The following TAFA2 variants were observed in gnomAD, a reference collection of about 807,000 sequenced individuals.
The protein encoded by TAFA2 is chemokine-like protein TAFA-2.
In TAFA2, 7 loss-of-function variants were observed where a neutral mutation model predicts 18.8. The ratio of observed to expected loss-of-function variants is 0.37; its 90% CI spans 0.21 to 0.70. TAFA2 has a LOEUF of 0.70. Ranked by LOEUF, TAFA2 falls within the 30% of genes least tolerant of loss-of-function variation. The pLI is 0.53. For synonymous variants in TAFA2, 60 were observed against 54.2 expected (o/e 1.11, Z -0.47); for missense variants, 122 against 158.1 (o/e 0.77, Z 1.23).
At chr12:61,805,751 A>C (rs1871585514) in intron 2 of TAFA2, among the ~76,000 whole-genome samples, 1 of 152,196 alleles carries the variant, frequency 6.6e-6, no homozygotes, top group Admixed American at 6.5e-5. Context: ...ACTTCTAAGA[A>C]TATAGAGATA....
chr12:62,153,591 C>A (rs2062345199), intron 1 of TAFA2, among the ~76,000 whole-genome samples: 1 of 152,010 alleles, frequency 6.6e-6, no homozygotes, highest in Non-Finnish European at 1.5e-5. Context: ...GACCGCTTAA[C>A]CCCTGGAGTT....
chr12:61,853,546 T>C (rs936855124), intron 2 of TAFA2, among the ~76,000 whole-genome samples: 6 of 152,150 alleles, frequency 3.9e-5, no homozygotes, highest in African/African-American at 1.2e-4. Context: ...ATCTCTAGAC[T>C]GGTAACACAG....
chr12:61,896,744 T>C (rs1592468265), intron 1 of TAFA2, among the ~76,000 whole-genome samples: 1 of 152,214 alleles, frequency 6.6e-6, no homozygotes, highest in Non-Finnish European at 1.5e-5. Flanking sequence ...CAGCAGGCAC[T>C]GAACAACATG....
At chr12:61,990,346 T>TG (rs1054396615) in intron 1 of TAFA2, among the ~76,000 whole-genome samples, 23 of 145,658 alleles carry the variant, frequency 1.6e-4, no homozygotes, top group African/African-American at 5.6e-4. Flanking sequence ...AATTTTTTTT[T>TG]TTTTTTTTTT....
chr12:62,246,571 A>C (rs911140885), intron 1 of TAFA2, among the ~76,000 whole-genome samples: 1 of 152,136 alleles, frequency 6.6e-6, no homozygotes, highest in Non-Finnish European at 1.5e-5. Context: ...TTTTTGCTTT[A>C]TGAGTTTTTA....
At chr12:61,818,902 G>A (rs968296718) in intron 2 of TAFA2, among the ~76,000 whole-genome samples, 3 of 152,138 alleles carry the variant, frequency 2.0e-5, no homozygotes, top group African/African-American at 2.4e-5. Context: ...TGAAAAGACT[G>A]AGACTCAGAG....
At chr12:62,259,861 G>C (rs1162655013), upstream of TAFA2, 1 of 154,950 alleles carries the variant, frequency 6.5e-6, no homozygotes, top group Non-Finnish European at 1.4e-5. Flanking sequence ...TGGAGACCAA[G>C]CGTTCGGTTT....
In TAFA2 at chr12:61,949,034, G is replaced by C. The variant is rs74096132; in HGVS notation, c.-1-81608C>G. 8.0e-3 allele frequency among the ~76,000 whole-genome samples: 1,222 copies of C among 152,214 alleles called. 14 individuals are homozygous for C. The highest frequency in any genetic ancestry group is 0.028 in the African/African-American group (1,179 of 41,532). On this transcript the variant is annotated intron_variant, in intron 1 of 4. Transcript: ENST00000416284. ...ACATGTCAACTTGACAGGGCCATGGGGTGGCCAGATATTTGGTAAGGCATT... is the reference window on the plus strand; with the variant it reads ...ACATGTCAACTTGACAGGGCCATGGCGTGGCCAGATATTTGGTAAGGCATT...
At chr12:62,045,036 A>G (rs1881873612) in intron 1 of TAFA2, among the ~76,000 whole-genome samples, 1 of 152,186 alleles carries the variant, frequency 6.6e-6, no homozygotes, top group Non-Finnish European at 1.5e-5. Flanking sequence ...AACAGACTGA[A>G]TCATCCGTTA....
chr12:61,955,600 CAAAAAAAAAAAAAAAAAAAA>C (rs869189343), intron 1 of TAFA2, among the ~76,000 whole-genome samples: 7 of 38,940 alleles, frequency 1.8e-4, no homozygotes, highest in South Asian at 1.7e-3. Context: ...GACTCCATCT[CAAAAAAAAAAAAAAAAAAAA>C]AAAAAAAAAA....
intron 1 of TAFA2, among the ~76,000 whole-genome samples, chr12:61,962,626 A>G (rs539504511): frequency 6.6e-6 from 1 of 152,164 alleles, no homozygotes; most frequent in Non-Finnish European, 1.5e-5. Flanking sequence ...CAAAGCCAAG[A>G]AAGAGAAGAG....
chr12:62,248,766 T>C (rs1439960781), intron 1 of TAFA2, among the ~76,000 whole-genome samples: 1 of 152,160 alleles, frequency 6.6e-6, no homozygotes. Context: ...CGGCAAAATA[T>C]ATATAATAAA....
At position 62,192,447 on chromosome 12, in the gene TAFA2, GGAGA is replaced by G. The variant is rs982140297; in HGVS notation, c.-1194_-1191del. The G allele has an allele frequency of 3.9e-5, 6 of 152,292 alleles. No individual in the cohort carries two copies. Among genetic ancestry groups the G allele is most frequent in the African/African-American group, 1.4e-4 (6 of 41,456 alleles). 9.4% of individuals were successfully genotyped at this position (152,292 alleles called of 1,614,324 possible). On this transcript the variant is annotated 5_prime_UTR_variant, in exon 1 of 5. Coordinates refer to ENST00000416284, the MANE Select transcript of TAFA2 (RefSeq NM_178539.5). ...GAGGAAACAAATCCAGATCACCGGC[GGAGA>G]AAGAAGCCGTTTAGCAAGCAAAGCC...
At chr12:62,234,658 G>A (rs563804748) in intron 1 of TAFA2, 25 of 898,884 alleles carry the variant, frequency 2.8e-5, no homozygotes, top group South Asian at 1.4e-4. Flanking sequence ...AGGTAGGAGC[G>A]TTTGGTATAA....
intron 1 of TAFA2, among the ~76,000 whole-genome samples, chr12:61,931,251 GC>G (rs765486547): frequency 2.6e-5 from 4 of 152,000 alleles, no homozygotes; most frequent in Non-Finnish European, 4.4e-5. Context: ...ATTAATCTCT[GC>G]TATGAGCACC....
At chr12:62,122,419 T>C (rs1439015201) in intron 1 of TAFA2, among the ~76,000 whole-genome samples, 1 of 152,192 alleles carries the variant, frequency 6.6e-6, no homozygotes, top group African/African-American at 2.4e-5. Flanking sequence ...GAGCAACACA[T>C]CAGCTCTTTG....
intron 2 of TAFA2, among the ~76,000 whole-genome samples, chr12:61,817,100 G>C (rs1282010141): frequency 6.8e-6 from 1 of 146,548 alleles, no homozygotes; most frequent in Non-Finnish European, 1.5e-5. Flanking sequence ...GGCAATATAT[G>C]AAGCAGCATG....
intron 1 of TAFA2, among the ~76,000 whole-genome samples, chr12:61,894,376 C>T (rs939280436): frequency 1.3e-5 from 2 of 152,162 alleles, no homozygotes; most frequent in Non-Finnish European, 2.9e-5. Context: ...ACCTTTGGAC[C>T]TCTTGACCTT....
At chr12:61,781,935 C>A (rs1423657348) in intron 2 of TAFA2, among the ~76,000 whole-genome samples, 4 of 151,484 alleles carry the variant, frequency 2.6e-5, no homozygotes, top group African/African-American at 9.7e-5. Context: ...ATGTCATTCA[C>A]CAATGAATAA....
Sources: allele counts gnomAD v4.1 joint callset (sites outside exome capture counted in the v4.1 genomes callset), GRCh38; gene constraint gnomAD v4.1.1; transcripts MANE v1.5; gene names NCBI Gene and HGNC (gene_info 2026-07-23, HGNC 2026-07-21).